Variants in SLC38A10 observed in about 807,000 individuals in gnomAD.
SLC38A10 encodes the protein solute carrier family 38 member 10.
In SLC38A10, 53 loss-of-function variants were observed where a neutral mutation model predicts 81.0. The observed-to-expected ratio is 0.65, with a 90% CI of 0.53 to 0.82. SLC38A10 has a LOEUF of 0.82. Ranked by LOEUF, SLC38A10 falls within the 40% of genes least tolerant of loss-of-function variation. The pLI, the probability that SLC38A10 is intolerant of heterozygous loss-of-function variation, is 0.00. For synonymous variants in SLC38A10, 665 were observed against 655.3 expected (o/e 1.01, Z -0.23); for missense variants, 1,471 against 1,545.0 (o/e 0.95, Z 0.80).
intron 11 of SLC38A10, among the ~76,000 whole-genome samples, chr17:81,258,023 G>T (rs2062988375): frequency 6.6e-6 from 1 of 152,214 alleles, no homozygotes; most frequent in Non-Finnish European, 1.5e-5. Context: ...CTGTCTTCAT[G>T]AGCCTTTGCA....
intron 10 of SLC38A10, among the ~76,000 whole-genome samples, chr17:81,260,643 G>A (rs1375883106): frequency 2.0e-5 from 3 of 152,230 alleles, no homozygotes; most frequent in Admixed American, 1.3e-4. Flanking sequence ...GCCCTGATGC[G>A]CCGCTGCCAG....
At chr17:81,266,923 A>G (rs1476556268) in intron 10 of SLC38A10, among the ~76,000 whole-genome samples, 1 of 152,268 alleles carries the variant, frequency 6.6e-6, no homozygotes, top group Non-Finnish European at 1.5e-5. Flanking sequence ...GCTGATTCCA[A>G]CATTCATACA....
In SLC38A10 at chr17:81,289,057, TC is replaced by T. The variant is rs2063290021; in HGVS notation, c.217+633del. ...ATTATAACAGGTTTTTCTTTTTTTTTCCAGACAGAGTCTCACTCTGGCACCA... is the reference window on the plus strand; with the variant it reads ...ATTATAACAGGTTTTTCTTTTTTTTTCAGACAGAGTCTCACTCTGGCACCA... On this transcript the variant is annotated intron_variant, in intron 2 of 15. Transcript: ENST00000374759. This position sits in a 1 kb window ranked among gnomAD's most constrained non-coding sequence, Gnocchi z 5.9. The T allele has an allele frequency of 1.3e-5, 2 of 152,248 alleles. No individual in the cohort carries two copies. The highest frequency in any genetic ancestry group is 4.8e-5 in the African/African-American group (2 of 41,434). 9.4% of individuals were successfully genotyped at this position (152,248 alleles called of 1,614,324 possible).
intron 15 of SLC38A10, 24 bp downstream of exon 15, chr17:81,246,861 A>T: frequency 6.4e-7 from 1 of 1,560,690 alleles, no homozygotes; most frequent in Non-Finnish European, 8.7e-7. Flanking sequence ...GCCCCACCCC[A>T]CTCCATCCGC....
intron 13 of SLC38A10, chr17:81,251,958 G>T: frequency 1.6e-6 from 1 of 643,646 alleles, no homozygotes. Context: ...AGCACAGCGC[G>T]GCACCTGACA....
intron 9 of SLC38A10, 59 bp from the exon 10 acceptor site, chr17:81,271,083 C>G: frequency 6.9e-7 from 1 of 1,458,658 alleles, no homozygotes; most frequent in Non-Finnish European, 9.5e-7. Context: ...AAGGAGGGGA[C>G]CTGAGCTTTT....
chr17:81,246,406 T>C lies in SLC38A10; in HGVS notation c.2510A>G (p.Gln837Arg), dbSNP rs1262800165. Residue 837 changes from glutamine (Q) to arginine (R), a missense_variant, in exon 16 of 16, where the codon CAG becomes CGG. Coordinates refer to ENST00000374759, the MANE Select transcript of SLC38A10 (RefSeq NM_001037984.3). ...AGCTGCCCTGGGGGCGGCATCCTTCTGGCCATCTCTCAGCTTGGCCTGGGC... is the reference window on the plus strand; with the variant it reads ...AGCTGCCCTGGGGGCGGCATCCTTCCGGCCATCTCTCAGCTTGGCCTGGGC... Reference protein sequence around the residue: ...RAAQAKLRDGQKDAAPRAAGT... With the variant: ...RAAQAKLRDGRKDAAPRAAGT... 6.2e-7 allele frequency: 1 copy of C among 1,601,066 alleles called. No individual in the cohort carries two copies. Among genetic ancestry groups the C allele is most frequent in the East Asian group, 2.2e-5 (1 of 44,732 alleles).
rs769618146 is a variant in SLC38A10, at chr17:81,289,667, C to G, written c.217+24G>C. The G allele has an allele frequency of 6.4e-7, 1 of 1,567,150 alleles. No individual in the cohort carries two copies. The highest frequency in any genetic ancestry group is 8.7e-7 in the Non-Finnish European group (1 of 1,153,718). ...AAGGCCCCCGCCCCAGGTCCAGAGC[C>G]ACCTTGTGGAGAGGGCGCCTCACCC... On this transcript the variant is annotated intron_variant, in intron 2 of 15. Transcript: ENST00000374759. The surrounding 1 kb of genome is among the most constrained non-coding windows in gnomAD (Gnocchi z 5.9).
intron 14 of SLC38A10, among the ~76,000 whole-genome samples, chr17:81,249,769 G>T (rs189396736): frequency 7.6e-4 from 115 of 152,220 alleles, no homozygotes; most frequent in African/African-American, 2.6e-3. Flanking sequence ...TCCCCCCTTG[G>T]CTGGTGCCCT....
chr17:81,287,999 G>C lies in SLC38A10; in HGVS notation c.217+1692C>G, dbSNP rs143193292. Among the ~76,000 whole-genome samples, 164 of 152,364 alleles carry C rather than the reference G, an allele frequency of 1.1e-3. 1 individual carries two copies. The highest frequency in any genetic ancestry group is 2.0e-3 in the Non-Finnish European group (134 of 68,042). ...CCTGGCATCCGGTAGGCATCTTTCAGCCCAAGTTGCATTAGGCCATCTCAC... is the reference window on the plus strand; with the variant it reads ...CCTGGCATCCGGTAGGCATCTTTCACCCCAAGTTGCATTAGGCCATCTCAC... On this transcript the variant is annotated intron_variant, in intron 2 of 15. Coordinates refer to ENST00000374759, the MANE Select transcript of SLC38A10 (RefSeq NM_001037984.3).
intron 11 of SLC38A10, among the ~76,000 whole-genome samples, chr17:81,257,676 C>T (rs1161580928): frequency 1.3e-5 from 2 of 152,252 alleles, no homozygotes; most frequent in African/African-American, 2.4e-5. Flanking sequence ...GCCCCCGCAC[C>T]AACACACACG....
intron 10 of SLC38A10, among the ~76,000 whole-genome samples, chr17:81,266,573 C>T (rs552113017): frequency 4.1e-4 from 61 of 149,908 alleles, no homozygotes; most frequent in African/African-American, 1.5e-3. Context: ...GAGCAGAGAT[C>T]GTGCCACTGC....
Position 81,263,328 on chromosome 17 carries a change from C to T in SLC38A10, c.1132-2934G>A, listed in dbSNP as rs76263339. 1,432 of 152,504 alleles carry T rather than the reference C, an allele frequency of 9.4e-3. 6 individuals are homozygous for T. The highest frequency in any genetic ancestry group is 0.013 in the Non-Finnish European group (886 of 68,152). The allele number at this position is 152,504 out of a possible 1,614,324, so 9.4% of individuals were successfully genotyped here. A position where few individuals can be genotyped will look rare whatever the true frequency, so the allele number is the denominator to read the frequency against. Reference sequence around the variant, plus strand: ...GCAGACCCAACCCCGCCCGCTGCCACGTACACACCTGCTGCCACCTCCTAC... The same window carrying T: ...GCAGACCCAACCCCGCCCGCTGCCATGTACACACCTGCTGCCACCTCCTAC... On this transcript the variant is annotated intron_variant, in intron 10 of 15. Coordinates refer to ENST00000374759, the MANE Select transcript of SLC38A10 (RefSeq NM_001037984.3).
intron 8 of SLC38A10, 103 bp downstream of exon 8, chr17:81,275,866 C>A: frequency 3.7e-6 from 5 of 1,361,586 alleles, no homozygotes; most frequent in Non-Finnish European, 5.0e-6. Context: ...TGACGCAAAT[C>A]CCCACTTTCC....
chr17:81,266,556 T>C (rs1168099270), intron 10 of SLC38A10, among the ~76,000 whole-genome samples: 1 of 151,448 alleles, frequency 6.6e-6, no homozygotes, highest in African/African-American at 2.4e-5. Context: ...GAGGAGGGGC[T>C]TGCAGTGAGC....
chr17:81,254,093 C>T (rs558805955), intron 11 of SLC38A10, among the ~76,000 whole-genome samples: 28 of 151,788 alleles, frequency 1.8e-4, no homozygotes, highest in South Asian at 6.2e-4. Context: ...CCACCACCAC[C>T]GCCATCACCA....
rs115343321 is a variant in SLC38A10 at position 81,294,933 on chromosome 17, T to C, written c.-12A>G. The C allele has an allele frequency of 0.12, 190,752 of 1,580,414 alleles. 11,869 individuals are homozygous for C. Among genetic ancestry groups the C allele is most frequent in the Middle Eastern group, 0.14 (808 of 5,922 alleles). On this transcript the variant is annotated 5_prime_UTR_variant, in exon 1 of 16. Coordinates refer to ENST00000374759, the MANE Select transcript of SLC38A10 (RefSeq NM_001037984.3). ...GCGGCCGCGGTCATAGTGAGAGGTCTAGGGGCCCGGGGCGAGAGGCCTCGG... is the reference window on the plus strand; with the variant it reads ...GCGGCCGCGGTCATAGTGAGAGGTCCAGGGGCCCGGGGCGAGAGGCCTCGG...
At chr17:81,280,025 C>T in intron 6 of SLC38A10, 1 of 386,402 alleles carries the variant, frequency 2.6e-6, no homozygotes, top group East Asian at 7.8e-5. Context: ...CTTTTCCCGT[C>T]TGCGCCGGAT....
At chr17:81,250,145 GAA>G (rs768113809) in intron 14 of SLC38A10, 69 of 1,274,692 alleles carry the variant, frequency 5.4e-5, no homozygotes, top group Non-Finnish European at 6.5e-5. Flanking sequence ...AGGAAACCGT[GAA>G]AAGTCTTTTT....
Sources: allele counts gnomAD v4.1 joint callset (sites outside exome capture counted in the v4.1 genomes callset), GRCh38; gene constraint gnomAD v4.1.1; non-coding constraint Gnocchi (gnomAD v3.1); transcripts MANE v1.5; gene names NCBI Gene and HGNC (gene_info 2026-07-23, HGNC 2026-07-21).